The following SGCZ variants were observed in gnomAD, a reference collection of about 807,000 sequenced individuals.
The protein encoded by SGCZ is sarcoglycan zeta.
In SGCZ, 40 loss-of-function variants were observed where a neutral mutation model predicts 41.3. The ratio of observed to expected loss-of-function variants is 0.97; its 90% confidence interval spans 0.75 to 1.26. The LOEUF is 1.26. Among genes scored for constraint, SGCZ ranks in the 50% most tolerant of loss-of-function variants. The pLI, the probability that SGCZ is intolerant of heterozygous loss-of-function variation, is 0.00. For synonymous variants in SGCZ, 206 were observed against 137.5 expected (o/e 1.50, Z -3.49); for missense variants, 552 against 369.8 (o/e 1.49, Z -4.04).
At chr8:14,205,010 C>T (rs902131074) in intron 4 of SGCZ, among the ~76,000 whole-genome samples, 4 of 152,098 alleles carry the variant, frequency 2.6e-5, no homozygotes, top group Non-Finnish European at 4.4e-5. Flanking sequence ...CACCCATACG[C>T]CTGTTTGTCT....
At chr8:14,426,891 T>C (rs1335682558) in intron 2 of SGCZ, among the ~76,000 whole-genome samples, 1 of 152,176 alleles carries the variant, frequency 6.6e-6, no homozygotes, top group Non-Finnish European at 1.5e-5. Context: ...AATAAAGTTT[T>C]CAGTTGTCTC....
chr8:15,024,636 G>A (rs1449654572), intron 1 of SGCZ, among the ~76,000 whole-genome samples: 1 of 152,046 alleles, frequency 6.6e-6, no homozygotes, highest in Non-Finnish European at 1.5e-5. Flanking sequence ...AGAAGCATTA[G>A]TAATAATAAT....
chr8:14,820,869 C>CA (rs138066252), intron 1 of SGCZ, among the ~76,000 whole-genome samples: 16,084 of 139,264 alleles, frequency 0.12, 1,202 homozygotes, highest in African/African-American at 0.22. Context: ...ACCCCTAGAT[C>CA]AAAAAACAAA....
chr8:14,092,956 A>G (rs1164086467), intron 7 of SGCZ, among the ~76,000 whole-genome samples: 2 of 152,082 alleles, frequency 1.3e-5, no homozygotes, highest in African/African-American at 4.8e-5. Flanking sequence ...TAAATCTTCT[A>G]ACTTGGAAAA....
At chr8:14,495,170 A>T (rs1245361697) in intron 2 of SGCZ, among the ~76,000 whole-genome samples, 3 of 152,168 alleles carry the variant, frequency 2.0e-5, no homozygotes, top group Admixed American at 1.3e-4. Flanking sequence ...AAAGAGGAAT[A>T]AGAGTTCCTG....
intron 1 of SGCZ, among the ~76,000 whole-genome samples, chr8:15,103,904 C>T (rs1455356502): frequency 6.6e-6 from 1 of 152,144 alleles, no homozygotes; most frequent in Non-Finnish European, 1.5e-5. Context: ...GTCAAAGTCA[C>T]ACTAATGAAG....
At chr8:14,869,922 C>A (rs753341775) in intron 1 of SGCZ, among the ~76,000 whole-genome samples, 6 of 152,026 alleles carry the variant, frequency 3.9e-5, no homozygotes, top group Non-Finnish European at 8.8e-5. Context: ...GCTCAAGTAA[C>A]TAAGAGAGGA....
At chr8:14,382,927 T>C (rs749901010) in intron 2 of SGCZ, among the ~76,000 whole-genome samples, 4 of 152,152 alleles carry the variant, frequency 2.6e-5, no homozygotes, top group Non-Finnish European at 4.4e-5. Context: ...TCATACCTAG[T>C]TATTTCTTCT....
chr8:14,840,806 C>T (rs1563307666), intron 1 of SGCZ, among the ~76,000 whole-genome samples: 2 of 151,774 alleles, frequency 1.3e-5, no homozygotes, highest in Non-Finnish European at 2.9e-5. Context: ...CTTTATGAGA[C>T]TTTTTAACCT....
At chr8:14,385,419 G>T (rs576959569) in intron 2 of SGCZ, among the ~76,000 whole-genome samples, 1 of 152,166 alleles carries the variant, frequency 6.6e-6, no homozygotes, top group Non-Finnish European at 1.5e-5. Context: ...TTCTAGGGTA[G>T]TAGTGGAAAA....
intron 2 of SGCZ, among the ~76,000 whole-genome samples, chr8:14,429,436 A>C (rs1263362196): frequency 6.6e-6 from 1 of 152,166 alleles, no homozygotes; most frequent in Non-Finnish European, 1.5e-5. Flanking sequence ...AAATAGGAGG[A>C]GGCCAGCAGC....
intron 1 of SGCZ, among the ~76,000 whole-genome samples, chr8:14,734,765 T>C (rs1798975489): frequency 6.6e-6 from 1 of 152,200 alleles, no homozygotes; most frequent in African/African-American, 2.4e-5. Flanking sequence ...TTAATGGTAA[T>C]AAGTAATTCC....
intron 7 of SGCZ, among the ~76,000 whole-genome samples, chr8:14,102,068 G>C (rs999095510): frequency 1.5e-5 from 2 of 131,464 alleles, no homozygotes; most frequent in East Asian, 4.3e-4. Context: ...CACTATGCTT[G>C]GCTAACTTTA....
chr8:14,449,861 G>T (rs944546613), intron 2 of SGCZ, among the ~76,000 whole-genome samples: 1 of 152,078 alleles, frequency 6.6e-6, no homozygotes, highest in African/African-American at 2.4e-5. Flanking sequence ...AATTAGTATT[G>T]GATTCACCCC....
At position 14,277,846 on chromosome 8, in the gene SGCZ, C is replaced by A. The variant is rs543505787; in HGVS notation, c.337-40167G>T. ...CAAAGAAAGGTAATTGTCTTAAAAT[C>A]CCCCCTTTAGGAATGTAAGCAAATA... On this transcript the variant is annotated intron_variant, in intron 3 of 7. Coordinates refer to ENST00000382080, the MANE Select transcript of SGCZ (RefSeq NM_139167.4). Among the ~76,000 whole-genome samples, 9 of 152,064 alleles carry A rather than the reference C, an allele frequency of 5.9e-5. No homozygotes were observed. In the South Asian group the frequency reaches 1.9e-3, roughly 32 times the overall value.
chr8:14,776,607 T>C (rs901167680), intron 1 of SGCZ, among the ~76,000 whole-genome samples: 1 of 150,156 alleles, frequency 6.7e-6, no homozygotes, highest in South Asian at 2.1e-4. Flanking sequence ...CATTCTCCTG[T>C]CTCAGCCTCC....
At chr8:14,233,949 C>G (rs1001702505) in intron 4 of SGCZ, among the ~76,000 whole-genome samples, 2 of 151,854 alleles carry the variant, frequency 1.3e-5, no homozygotes, top group Non-Finnish European at 2.9e-5. Context: ...CAATCTCATT[C>G]CTCTCTTTCA....
chr8:14,402,381 G>A (rs1799102491), intron 2 of SGCZ, among the ~76,000 whole-genome samples: 1 of 151,696 alleles, frequency 6.6e-6, no homozygotes, highest in African/African-American at 2.4e-5. Flanking sequence ...TGTCCTGAAT[G>A]GTAATGCCTA....
chr8:14,640,652 GTGTGT>G (rs1806993060), intron 1 of SGCZ, among the ~76,000 whole-genome samples: 7 of 29,886 alleles, frequency 2.3e-4, no homozygotes, highest in East Asian at 2.2e-3. Context: ...ATATAGGGGT[GTGTGT>G]GTGTGTGTGT....
Sources: allele counts gnomAD v4.1 joint callset (sites outside exome capture counted in the v4.1 genomes callset), GRCh38; gene constraint gnomAD v4.1.1; transcripts MANE v1.5; gene names NCBI Gene and HGNC (gene_info 2026-07-23, HGNC 2026-07-21).